PLCL2: variants seen among roughly 807,000 people sequenced by gnomAD.
The protein encoded by PLCL2 is phospholipase C like 2.
PLCL2 carries 4 observed loss-of-function variants against 79.6 expected under a neutral mutation model. That is an observed-to-expected ratio of 0.05 (90% CI 0.02 to 0.11). The LOEUF (loss-of-function observed/expected upper bound fraction) is 0.11. Among genes scored for constraint, PLCL2 ranks in the 10% least tolerant of loss-of-function variants. PLCL2 has a pLI of 1.00. For missense variants in PLCL2, 895 were observed against 1,291.0 expected (o/e 0.69, Z 4.70); for synonymous variants, 484 against 457.7 (o/e 1.06, Z -0.73).
chr3:17,066,882 C>G (rs1207968620), intron 4 of PLCL2, among the ~76,000 whole-genome samples: 1 of 151,904 alleles, frequency 6.6e-6, no homozygotes, highest in African/African-American at 2.4e-5. Flanking sequence ...AGAAACAATA[C>G]AATAAAAAAC....
At chr3:16,982,958 A>C (rs1485196339) in intron 1 of PLCL2, among the ~76,000 whole-genome samples, 1 of 152,208 alleles carries the variant, frequency 6.6e-6, no homozygotes, top group African/African-American at 2.4e-5. Flanking sequence ...TGTAAATACT[A>C]ATCTGTTATC....
chr3:16,959,387 C>T (rs1320249166), intron 1 of PLCL2, among the ~76,000 whole-genome samples: 1 of 152,286 alleles, frequency 6.6e-6, no homozygotes, highest in East Asian at 1.9e-4. Flanking sequence ...GTCTCTTGTT[C>T]ATTATTTCTT....
At chr3:17,068,156 T>C (rs1269288724) in intron 5 of PLCL2, 91 bp downstream of exon 5, 1 of 712,274 alleles carries the variant, frequency 1.4e-6, no homozygotes, top group Admixed American at 2.2e-5. Flanking sequence ...GCATTGTACA[T>C]GGTCAGCCAC....
At chr3:16,913,750 CAG>C (rs953357712) in intron 1 of PLCL2, among the ~76,000 whole-genome samples, 8 of 151,928 alleles carry the variant, frequency 5.3e-5, no homozygotes, top group African/African-American at 1.9e-4. Flanking sequence ...ATTTTTGTGA[CAG>C]TGTATTGCTA....
intron 1 of PLCL2, among the ~76,000 whole-genome samples, chr3:16,951,576 T>C (rs1484779949): frequency 6.6e-6 from 1 of 152,112 alleles, no homozygotes; most frequent in Non-Finnish European, 1.5e-5. Flanking sequence ...TCTCTTGTTT[T>C]TAACTTTTTG....
intron 1 of PLCL2, among the ~76,000 whole-genome samples, chr3:16,997,559 C>T (rs1274609079): frequency 9.3e-5 from 13 of 139,220 alleles, no homozygotes; most frequent in African/African-American, 3.4e-4. Flanking sequence ...GAGATGGAGT[C>T]TCACTCTGTT....
chr3:17,088,075 A>G (rs568137519), intron 5 of PLCL2, among the ~76,000 whole-genome samples: 1 of 152,212 alleles, frequency 6.6e-6, no homozygotes, highest in Non-Finnish European at 1.5e-5. Context: ...ACATCTATTT[A>G]TAGTTACTAA....
intron 3 of PLCL2, among the ~76,000 whole-genome samples, chr3:17,018,992 G>T (rs1479736276): frequency 6.6e-6 from 1 of 152,122 alleles, no homozygotes; most frequent in Non-Finnish European, 1.5e-5. Flanking sequence ...TATGTTTATA[G>T]ATAACTGATA....
intron 1 of PLCL2, among the ~76,000 whole-genome samples, chr3:16,974,405 G>A (rs1390105837): frequency 2.0e-5 from 3 of 152,124 alleles, no homozygotes; most frequent in Non-Finnish European, 4.4e-5. Context: ...GGGGATTTAG[G>A]AGGTAGTGTC....
intron 3 of PLCL2, 62 bp from the exon 4 acceptor site, chr3:17,042,812 A>G (rs2064739092): frequency 8.7e-7 from 1 of 1,154,706 alleles, no homozygotes; most frequent in Non-Finnish European, 1.3e-6. Context: ...AGCCTTGTGC[A>G]TGAATGCAGG....
chr3:16,910,463 C>A lies in PLCL2; in HGVS notation c.327+25097C>A, dbSNP rs551271309. Among the ~76,000 whole-genome samples the A allele has an allele frequency of 1.2e-4, 19 of 152,208 alleles. No homozygotes were observed. In the South Asian group the frequency reaches 3.7e-3, roughly 30 times the overall value. ...CTTACTTCGCTTGGCTTCCAGGGCT[C>A]CCTACTCTCCCAGTTCTCCTCCTGT... On this transcript the variant is annotated intron_variant, in intron 1 of 5. Coordinates refer to ENST00000615277, the MANE Select transcript of PLCL2 (RefSeq NM_001144382.2).
chr3:16,983,145 C>T (rs1388457832), intron 1 of PLCL2, among the ~76,000 whole-genome samples: 2 of 152,120 alleles, frequency 1.3e-5, no homozygotes, highest in East Asian at 3.8e-4. Flanking sequence ...TGCGTATTAC[C>T]TTGTACACAT....
chr3:16,893,744 A>C (rs1559478034), intron 1 of PLCL2, among the ~76,000 whole-genome samples: 1 of 152,244 alleles, frequency 6.6e-6, no homozygotes, highest in Non-Finnish European at 1.5e-5. Flanking sequence ...TAGATTAAAA[A>C]AATAGCTATT....
chr3:16,932,585 C>A (rs1307081039), intron 1 of PLCL2, among the ~76,000 whole-genome samples: 1 of 152,176 alleles, frequency 6.6e-6, no homozygotes, highest in Non-Finnish European at 1.5e-5. Context: ...TTTGGGATTT[C>A]TGCTGAATTT....
At chr3:16,933,678 AT>A (rs953578708) in intron 1 of PLCL2, among the ~76,000 whole-genome samples, 2 of 150,124 alleles carry the variant, frequency 1.3e-5, no homozygotes, top group Admixed American at 1.3e-4. Context: ...TAAATGTTTT[AT>A]TTTTTTTCTT....
intron 5 of PLCL2, among the ~76,000 whole-genome samples, chr3:17,084,156 C>T (rs1161935478): frequency 6.6e-6 from 1 of 152,080 alleles, no homozygotes. Context: ...ATATTATGAA[C>T]AATTCTATGC....
chr3:17,009,700 G>A lies in PLCL2; in HGVS notation c.354G>A (p.Arg118=). 1 of 1,603,192 alleles carries A rather than the reference G, an allele frequency of 6.2e-7. No individual in the cohort carries two copies. ...IKDGTKQKRE[R]KKTVSFSSMP... Reference sequence around the variant, plus strand: ...ATGGTACAAAACAGAAGAGGGAACGGAAAAAGACAGTCTCATTCAGCAGCA... The same window carrying A: ...ATGGTACAAAACAGAAGAGGGAACGAAAAAAGACAGTCTCATTCAGCAGCA... The change falls in exon 2 of 6, where the codon CGG becomes CGA. Residue 118 remains arginine (R), a synonymous_variant. Transcript: ENST00000615277. This position sits in a 1 kb window ranked among gnomAD's most constrained non-coding sequence, Gnocchi z 4.0.
chr3:17,033,242 T>G (rs2064604268), intron 3 of PLCL2, among the ~76,000 whole-genome samples: 2 of 152,146 alleles, frequency 1.3e-5, no homozygotes, highest in South Asian at 4.1e-4. Flanking sequence ...CACTCTTAAT[T>G]CATAATTCAT....
intron 5 of PLCL2, among the ~76,000 whole-genome samples, chr3:17,070,037 G>A (rs1308316992): frequency 6.6e-6 from 1 of 152,184 alleles, no homozygotes; most frequent in Non-Finnish European, 1.5e-5. Context: ...CCCTGTGGTA[G>A]GAACAAATGC....
Sources: allele counts gnomAD v4.1 joint callset (sites outside exome capture counted in the v4.1 genomes callset), GRCh38; gene constraint gnomAD v4.1.1; non-coding constraint Gnocchi (gnomAD v3.1); transcripts MANE v1.5; gene names NCBI Gene and HGNC (gene_info 2026-07-23, HGNC 2026-07-21).